The following SIMC1 variants were observed in gnomAD, a reference collection of about 807,000 sequenced individuals.
SIMC1 encodes SUMO-interacting motif-containing protein 1.
In SIMC1, 55 loss-of-function variants were observed where a neutral mutation model predicts 82.3. The observed-to-expected ratio is 0.67, with a 90% CI of 0.54 to 0.84. The LOEUF is 0.84. Ranked by LOEUF, SIMC1 falls within the 40% of genes least tolerant of loss-of-function variation. The pLI is 0.00. For synonymous variants in SIMC1, 353 were observed against 426.3 expected (o/e 0.83, Z 2.12); for missense variants, 915 against 1,107.2 (o/e 0.83, Z 2.46).
intron 4 of SIMC1, among the ~76,000 whole-genome samples, chr5:176,312,801 A>T (rs1029545232): frequency 6.6e-6 from 1 of 152,186 alleles, no homozygotes; most frequent in African/African-American, 2.4e-5. Flanking sequence ...ATAGTCCAGA[A>T]ATAGTTTGGT....
At chr5:176,258,267 G>T (rs1335755444) in intron 1 of SIMC1, among the ~76,000 whole-genome samples, 3 of 151,786 alleles carry the variant, frequency 2.0e-5, no homozygotes, top group African/African-American at 7.3e-5. Flanking sequence ...GCTTTACTTG[G>T]ATTAACTCAT....
At chr5:176,330,862 T>C (rs1765625139) in intron 7 of SIMC1, among the ~76,000 whole-genome samples, 1 of 152,192 alleles carries the variant, frequency 6.6e-6, no homozygotes, top group African/African-American at 2.4e-5. Flanking sequence ...CACAAGATAC[T>C]TATTTATTAC....
chr5:176,336,910 G>GC lies in SIMC1; in HGVS notation c.2328+35dup, dbSNP rs947363940. 3.1e-6 allele frequency: 5 copies of GC among 1,612,612 alleles called. No individual in the cohort carries two copies. In the African/African-American group the frequency reaches 6.7e-5, roughly 22 times the overall value. ...TTTCCTGCCCAATTTCAGGCCTAGA[G>GC]CACCTCTCTTTGCTCTAGGCCCGAA... On this transcript the variant is annotated intron_variant, in intron 8 of 9. Coordinates refer to ENST00000429602, the MANE Select transcript of SIMC1 (RefSeq NM_001308195.2).
intron 1 of SIMC1, among the ~76,000 whole-genome samples, chr5:176,285,405 G>A (rs1227271284): frequency 2.0e-5 from 3 of 152,192 alleles, no homozygotes; most frequent in Admixed American, 6.5e-5. Flanking sequence ...TATCTCAATA[G>A]ATGCAGAAAA....
chr5:176,249,884 A>AT (rs1312326276), intron 1 of SIMC1, among the ~76,000 whole-genome samples: 253 of 143,236 alleles, frequency 1.8e-3, no homozygotes, highest in Non-Finnish European at 2.5e-3. Context: ...GAATTCATTG[A>AT]TTTTTTGAAG....
chr5:176,324,827 T>C, intron 7 of SIMC1, 70 bp downstream of exon 7: 2 of 1,472,502 alleles, frequency 1.4e-6, no homozygotes, highest in Non-Finnish European at 1.8e-6. Context: ...GGAAATCATT[T>C]TTATTAAATT....
At chr5:176,283,225 G>C (rs895738261) in intron 1 of SIMC1, among the ~76,000 whole-genome samples, 1 of 152,160 alleles carries the variant, frequency 6.6e-6, no homozygotes, top group Non-Finnish European at 1.5e-5. Context: ...ATAATTGTCA[G>C]ATTCAACAAA....
intron 1 of SIMC1, among the ~76,000 whole-genome samples, chr5:176,279,839 T>G (rs1181903843): frequency 6.6e-6 from 1 of 152,036 alleles, no homozygotes; most frequent in South Asian, 2.1e-4. Context: ...GTCTGAGAGA[T>G]AGTTTGTTGT....
intron 9 of SIMC1, among the ~76,000 whole-genome samples, chr5:176,340,521 A>G (rs944767535): frequency 2.0e-5 from 3 of 152,242 alleles, no homozygotes; most frequent in East Asian, 1.9e-4. Context: ...CCAGTCACAC[A>G]CACGGTCTCC....
At chr5:176,278,907 G>T (rs11745724) in intron 1 of SIMC1, among the ~76,000 whole-genome samples, 55,756 of 150,702 alleles carry the variant, frequency 0.37, 12,546 homozygotes, top group East Asian at 0.51. Context: ...TGGTCTAAAA[G>T]TCTCTTTTTT....
intron 4 of SIMC1, among the ~76,000 whole-genome samples, chr5:176,300,425 C>T (rs1328093785): frequency 6.6e-6 from 1 of 152,146 alleles, no homozygotes; most frequent in Non-Finnish European, 1.5e-5. Flanking sequence ...CTCAAGCTGT[C>T]CTCCAGCCTC....
chr5:176,278,281 A>AT (rs1163903289), intron 1 of SIMC1, among the ~76,000 whole-genome samples: 1 of 69,450 alleles, frequency 1.4e-5, no homozygotes, highest in African/African-American at 5.6e-5. Flanking sequence ...AATGCTTGTG[A>AT]TTTTTGTACA....
At chr5:176,252,759 A>G (rs1007560292) in intron 1 of SIMC1, among the ~76,000 whole-genome samples, 1 of 152,220 alleles carries the variant, frequency 6.6e-6, no homozygotes, top group Admixed American at 6.5e-5. Context: ...AGAGGCTGCA[A>G]TCTCGGCACT....
chr5:176,285,810 G>A (rs182442927), intron 1 of SIMC1, among the ~76,000 whole-genome samples: 9 of 152,274 alleles, frequency 5.9e-5, no homozygotes, highest in African/African-American at 2.2e-4. Context: ...CAAAATCAAT[G>A]TGCAAAAAAT....
At chr5:176,339,213 A>G (rs1364700490) in intron 9 of SIMC1, among the ~76,000 whole-genome samples, 1 of 152,092 alleles carries the variant, frequency 6.6e-6, no homozygotes, top group Non-Finnish European at 1.5e-5. Flanking sequence ...AATACAAAAA[A>G]ATTAGCTGGG....
chr5:176,313,939 T>C, intron 5 of SIMC1, 94 bp downstream of exon 5: 1 of 1,527,764 alleles, frequency 6.5e-7, no homozygotes, highest in Non-Finnish European at 8.9e-7. Flanking sequence ...TGAGGTTTTC[T>C]AGTCAGTAGA....
intron 1 of SIMC1, among the ~76,000 whole-genome samples, chr5:176,273,337 C>A (rs1762529766): frequency 6.6e-6 from 1 of 152,142 alleles, no homozygotes; most frequent in South Asian, 2.1e-4. Flanking sequence ...GAATGGACCT[C>A]CAGCAAACTC....
chr5:176,272,695 T>C (rs928099692), intron 1 of SIMC1, among the ~76,000 whole-genome samples: 1 of 152,168 alleles, frequency 6.6e-6, no homozygotes, highest in African/African-American at 2.4e-5. Flanking sequence ...GCCAAGGGAA[T>C]CTGTGACAGA....
At chr5:176,274,421 G>A (rs1455103090) in intron 1 of SIMC1, among the ~76,000 whole-genome samples, 2 of 151,738 alleles carry the variant, frequency 1.3e-5, no homozygotes, top group Non-Finnish European at 1.5e-5. Flanking sequence ...TGTCAGATGA[G>A]TAGGTTGCAA....
Sources: allele counts gnomAD v4.1 joint callset (sites outside exome capture counted in the v4.1 genomes callset), GRCh38; gene constraint gnomAD v4.1.1; transcripts MANE v1.5; gene names NCBI Gene and HGNC (gene_info 2026-07-23, HGNC 2026-07-21).